The following TSPAN14 variants were observed in gnomAD, a reference collection of about 807,000 sequenced individuals.
TSPAN14 encodes tetraspanin-14.
A neutral mutation model predicts 36.6 loss-of-function variants in TSPAN14; 16 were observed. The ratio of observed to expected loss-of-function variants is 0.44; its 90% CI spans 0.30 to 0.66. TSPAN14 has a LOEUF of 0.66. TSPAN14 is among the 30% of genes least tolerant of loss of function. TSPAN14 has a pLI of 0.12. For synonymous variants in TSPAN14, 139 were observed against 143.8 expected, an observed-to-expected ratio of 0.97 and a Z score of 0.24; for missense variants, 231 against 355.1, an observed-to-expected ratio of 0.65 and a Z score of 2.81.
chr10:80,480,916 AACTT>A (rs1480512728), intron 1 of TSPAN14, among the ~76,000 whole-genome samples: 1 of 152,140 alleles, frequency 6.6e-6, no homozygotes, highest in Non-Finnish European at 1.5e-5. Flanking sequence ...TGTACCCTAA[AACTT>A]AAAGTATAAT....
intron 2 of TSPAN14, among the ~76,000 whole-genome samples, chr10:80,495,177 T>G (rs546840964): frequency 1.3e-5 from 2 of 152,276 alleles, no homozygotes; most frequent in South Asian, 4.1e-4. Flanking sequence ...TTCTTCCCTT[T>G]AGGGAAGGGA....
chr10:80,511,714 CT>C (rs1840639366), intron 5 of TSPAN14, among the ~76,000 whole-genome samples: 3 of 7,448 alleles, frequency 4.0e-4, no homozygotes, highest in Non-Finnish European at 6.6e-4. Context: ...GGCAGGTCCT[CT>C]CTCTCTCTCT....
chr10:80,465,578 C>G (rs1846194933), intron 1 of TSPAN14, among the ~76,000 whole-genome samples: 2 of 152,224 alleles, frequency 1.3e-5, no homozygotes, highest in African/African-American at 4.8e-5. Flanking sequence ...CTGAGAGAAG[C>G]ACAGAGTATC....
At chr10:80,457,327 T>G (rs1845781415) in intron 1 of TSPAN14, among the ~76,000 whole-genome samples, 1 of 151,996 alleles carries the variant, frequency 6.6e-6, no homozygotes, top group Non-Finnish European at 1.5e-5. Flanking sequence ...TAGCTTGGAC[T>G]ACAGGTGTGC....
At chr10:80,516,462 T>TC in intron 8 of TSPAN14, 139 bp downstream of exon 8, 1 of 1,284,632 alleles carries the variant, frequency 7.8e-7, no homozygotes, top group Non-Finnish European at 1.1e-6. Context: ...CAACTGGATG[T>TC]CCAAGGCTGA....
intron 7 of TSPAN14, 22 bp from the exon 8 acceptor site, chr10:80,516,182 C>T (rs765237269): frequency 5.6e-6 from 9 of 1,614,074 alleles, no homozygotes; most frequent in Non-Finnish European, 7.6e-6. Flanking sequence ...AAGGCTCAGA[C>T]CCCTGTGGTG....
chr10:80,517,838 C>T lies in TSPAN14; in HGVS notation c.742-67C>T. 5.4e-6 allele frequency: 8 copies of T among 1,491,976 alleles called. No individual in the cohort carries two copies. The South Asian group carries it at 8.5e-5, about 16-fold the overall frequency. 92.4% of individuals were successfully genotyped at this position (1,491,976 alleles called of 1,614,324 possible). On this transcript the variant is annotated intron_variant, in intron 8 of 8. Transcript: ENST00000429989. ...TGCAGTGGGAGCTCCCAACCCCACCCTCCGCTCCCTGCCCTCTGCCTTTGG... is the reference window on the plus strand; with the variant it reads ...TGCAGTGGGAGCTCCCAACCCCACCTTCCGCTCCCTGCCCTCTGCCTTTGG...
At chr10:80,514,108 A>G in intron 7 of TSPAN14, 45 bp downstream of exon 7, 2 of 1,554,214 alleles carry the variant, frequency 1.3e-6, no homozygotes, top group Non-Finnish European at 1.8e-6. Context: ...TTTAGGTTTT[A>G]TTCCCTGTGG....
At chr10:80,522,349 A>G (rs1223458605) in exon 9 of TSPAN14, 1 of 152,136 alleles carries the variant, frequency 6.6e-6, no homozygotes, top group Non-Finnish European at 1.5e-5. Context: ...AGTTTCTACT[A>G]AAAATACAAA....
chr10:80,480,744 C>T (rs1012887290), intron 1 of TSPAN14, among the ~76,000 whole-genome samples: 9 of 150,702 alleles, frequency 6.0e-5, no homozygotes, highest in African/African-American at 2.0e-4. Flanking sequence ...AACACATGGA[C>T]ACAGGAAGGG....
intron 1 of TSPAN14, among the ~76,000 whole-genome samples, chr10:80,484,240 T>C (rs1589262582): frequency 6.9e-6 from 1 of 145,968 alleles, no homozygotes; most frequent in Admixed American, 6.9e-5. Context: ...AGGACTTGTT[T>C]AAAAAAAAAA....
At chr10:80,507,836 T>C (rs1224401411) in intron 4 of TSPAN14, among the ~76,000 whole-genome samples, 2 of 152,256 alleles carry the variant, frequency 1.3e-5, no homozygotes, top group Admixed American at 6.5e-5. Flanking sequence ...AGTTTAGTTT[T>C]ATATTTAGAT....
At chr10:80,513,913 A>C in intron 6 of TSPAN14, 106 bp from the exon 7 acceptor site, 1 of 933,656 alleles carries the variant, frequency 1.1e-6, no homozygotes, top group South Asian at 1.4e-5. Context: ...GCTGTAATGG[A>C]ATTTGCACAA....
At chr10:80,496,897 AGTT>A (rs961993181) in intron 2 of TSPAN14, among the ~76,000 whole-genome samples, 38 of 151,738 alleles carry the variant, frequency 2.5e-4, no homozygotes, top group African/African-American at 8.0e-4. Flanking sequence ...CTTGTTTTGA[AGTT>A]GTTGGGATTT....
chr10:80,472,326 T>C (rs1846598080), intron 1 of TSPAN14, among the ~76,000 whole-genome samples: 1 of 152,244 alleles, frequency 6.6e-6, no homozygotes, highest in Non-Finnish European at 1.5e-5. Context: ...TTTGCAGTTT[T>C]GTAAGGAATA....
chr10:80,509,185 C>A lies in TSPAN14; in HGVS notation c.280-116C>A. ...TTCTGGGGCCCCGATGTGGGACTCT[C>A]AGGTGCAGAGCCCACGCTCTGCTGA... On this transcript the variant is annotated intron_variant, in intron 4 of 8. Coordinates refer to ENST00000429989, the Ensembl canonical transcript of TSPAN14. This position sits in a 1 kb window ranked among gnomAD's most constrained non-coding sequence, Gnocchi z 4.7. 1 of 1,153,976 alleles carries A rather than the reference C, an allele frequency of 8.7e-7. No homozygotes were observed. Among genetic ancestry groups the A allele is most frequent in the Non-Finnish European group, 1.2e-6 (1 of 815,956 alleles). The allele number at this position is 1,153,976 out of a possible 1,614,324, so 71.5% of individuals were successfully genotyped here. A position where few individuals can be genotyped will look rare whatever the true frequency, so the allele number is the denominator to read the frequency against.
chr10:80,473,710 GT>G lies in TSPAN14; in HGVS notation c.-17-15496del, dbSNP rs555107223. Among the ~76,000 whole-genome samples, 83 of 140,252 alleles carry G rather than the reference GT, an allele frequency of 5.9e-4. No individual in the cohort carries two copies. In the South Asian group the frequency reaches 0.011, roughly 18 times the overall value. 92.0% of individuals were successfully genotyped at this position (140,252 alleles called of 152,430 possible). A position where few individuals can be genotyped will look rare whatever the true frequency, so the allele number is the denominator to read the frequency against. ...GTTTTTTTTTTTTTTTTAAATTAAA[GT>G]TTTTTTTTTTCTTTTTTGTTGGAAA... On this transcript the variant is annotated intron_variant, in intron 1 of 8. Coordinates refer to ENST00000429989, the Ensembl canonical transcript of TSPAN14.
intron 1 of TSPAN14, among the ~76,000 whole-genome samples, chr10:80,482,874 TAC>T (rs906129846): frequency 1.3e-5 from 2 of 151,796 alleles, no homozygotes; most frequent in Non-Finnish European, 2.9e-5. Context: ...TAGCTGGTAT[TAC>T]AGGCGTGAGC....
At chr10:80,493,859 C>T (rs1848050679) in intron 2 of TSPAN14, among the ~76,000 whole-genome samples, 1 of 152,144 alleles carries the variant, frequency 6.6e-6, no homozygotes, top group South Asian at 2.1e-4. Flanking sequence ...GGCTCTTTGT[C>T]TTTGTTCATT....
Sources: gnomAD v4.1 joint callset for allele counts (sites outside exome capture counted in the v4.1 genomes callset) on GRCh38, gnomAD v4.1.1 for gene constraint, Gnocchi (gnomAD v3.1) non-coding constraint, MANE v1.5 for transcripts, NCBI Gene and HGNC (gene_info 2026-07-23, HGNC 2026-07-21) for gene names.